ATAD3A: variants seen among roughly 807,000 people sequenced by gnomAD.
The protein encoded by ATAD3A is ATPase family AAA domain containing 3A.
ATAD3A carries 46 observed loss-of-function variants against 73.8 expected under a neutral mutation model. The ratio of observed to expected loss-of-function variants is 0.62; its 90% CI spans 0.49 to 0.80. The LOEUF is 0.80. ATAD3A is among the 30% of genes least tolerant of loss of function. The pLI is 0.00. For synonymous variants in ATAD3A, 319 were observed against 350.0 expected, an observed-to-expected ratio of 0.91 and a Z score of 0.99; for missense variants, 705 against 838.0, an observed-to-expected ratio of 0.84 and a Z score of 1.96.
In ATAD3A at chr1:1,523,636, C is replaced by G. The variant is rs1570341736; in HGVS notation, c.963+69C>G. The G allele has an allele frequency of 3.7e-6, 6 of 1,606,574 alleles. No homozygotes were observed. The East Asian group carries it at 1.3e-4, about 36-fold the overall frequency. On this transcript the variant is annotated intron_variant, in intron 9 of 15. Transcript: ENST00000378756. The surrounding 1 kb of genome is among the most constrained non-coding windows in gnomAD (Gnocchi z 5.1). ...CCTGGAGCTGGGCCGGGCTGTGGCC[C>G]TTGCTGGCGCTCGTGGTGGCACCCA...
In ATAD3A at chr1:1,523,860, C is replaced by G. The variant is rs765579182; in HGVS notation, c.985C>G (p.Arg329Gly). 1.9e-6 allele frequency: 3 copies of G among 1,613,972 alleles called. No homozygotes were observed. The highest frequency in any genetic ancestry group is 2.2e-5 in the East Asian group (1 of 44,888). Residue 329 changes from arginine to glycine, a missense_variant, in exon 10 of 16, where the codon CGC (arginine) becomes GGC (glycine). By Grantham distance (125) the Arg-to-Gly change is moderately radical. This residue lies in a region of ATAD3A where 315 missense variants were observed against 334.1 expected (regional missense o/e 0.94). Coordinates refer to ENST00000378756, the MANE Select transcript of ATAD3A (RefSeq NM_001170535.3). This position sits in a 1 kb window ranked among gnomAD's most constrained non-coding sequence, Gnocchi z 5.1. ...GCAGCCCAGCCTGGAAGCACGGGTG[C>G]GCGACATCGCCATAGCAACAAGGAA... ...VLSPSLEARV[R>G]DIAIATRNTK...
At chr1:1,515,913 G>T in intron 1 of ATAD3A, 99 bp from the exon 2 acceptor site, 3 of 1,409,920 alleles carry the variant, frequency 2.1e-6, no homozygotes, top group Non-Finnish European at 2.9e-6. Context: ...AGGTCGAGGC[G>T]TGGCCGTGGA....
chr1:1,528,126 ATTT>A (rs1318555394), intron 14 of ATAD3A, among the ~76,000 whole-genome samples: 2 of 151,164 alleles, frequency 1.3e-5, no homozygotes, highest in South Asian at 4.2e-4. Context: ...TGCCTGGCTA[ATTT>A]TTTTTTAATT....
At position 1,527,960 on chromosome 1, in the gene ATAD3A, T is replaced by C. The variant is rs1446400064; in HGVS notation, c.1505+98T>C. ...TCACTTACAAACCTTTAACATTCCTTTTTTTTTTTTTTTTTTGAGACAAAG... is the reference window on the plus strand; with the variant it reads ...TCACTTACAAACCTTTAACATTCCTCTTTTTTTTTTTTTTTTGAGACAAAG... On this transcript the variant is annotated intron_variant, in intron 14 of 15. Transcript: ENST00000378756. The C allele has an allele frequency of 3.3e-3, 1,795 of 548,006 alleles. 11 individuals are homozygous for C. Among genetic ancestry groups the C allele is most frequent in the South Asian group, 0.026 (557 of 21,758 alleles). The allele number at this position is 548,006 out of a possible 1,614,324, so 33.9% of individuals were successfully genotyped here.
At chr1:1,515,544 G>A (rs1196133429) in intron 1 of ATAD3A, among the ~76,000 whole-genome samples, 1 of 152,166 alleles carries the variant, frequency 6.6e-6, no homozygotes, top group African/African-American at 2.4e-5. Flanking sequence ...AACTGAGGAC[G>A]TTGTCAGATG....
chr1:1,515,896 G>T, intron 1 of ATAD3A, 116 bp from the exon 2 acceptor site: 1 of 1,132,822 alleles, frequency 8.8e-7, no homozygotes, highest in Non-Finnish European at 1.3e-6. Context: ...CAGGGCTGGG[G>T]GCTTTGAGGT....
At position 1,524,298 on chromosome 1, in the gene ATAD3A, A is replaced by G; in HGVS notation, c.1115A>G (p.Asp372Gly). 3 of 1,613,748 alleles carry G rather than the reference A, an allele frequency of 1.9e-6. No homozygotes were observed. The highest frequency in any genetic ancestry group is 2.5e-6 in the Non-Finnish European group (3 of 1,179,790). The change falls in exon 11 of 16, where the codon GAC becomes GGC. Residue 372 changes from aspartate (D) to glycine (G), a missense_variant. Around this residue, in one of 5 missense-constraint regions of ATAD3A, gnomAD observed 315 missense variants for 334.1 expected, o/e 0.94. Coordinates refer to ENST00000378756, the MANE Select transcript of ATAD3A (RefSeq NM_001170535.3). ...AAACTCGCCCTGCACTCAGGCATGG[A>G]CTACGCCATCATGACAGGCGGGGAC... ...AKKLALHSGM[D>G]YAIMTGGDVA...
rs879082123 is a variant in ATAD3A at position 1,523,294 on chromosome 1, A to G, written c.907-217A>G. On this transcript the variant is annotated intron_variant, in intron 8 of 15. Coordinates refer to ENST00000378756, the MANE Select transcript of ATAD3A (RefSeq NM_001170535.3). The surrounding 1 kb of genome is among the most constrained non-coding windows in gnomAD (Gnocchi z 5.1). The stretch of plus-strand genomic sequence containing the variant: ...TCCACAGGTCACTGGGTAGGTGGTT[A>G]AGAAAATAAAAGCCAATAAGGAACC... Among the ~76,000 whole-genome samples, 2 of 152,256 alleles carry G rather than the reference A, an allele frequency of 1.3e-5. No homozygotes were observed. Among genetic ancestry groups the G allele is most frequent in the South Asian group, 2.1e-4 (1 of 4,828 alleles).
In ATAD3A at chr1:1,534,466, G is replaced by A. The variant is rs1642158668; in HGVS notation, c.*394G>A. ...TTCTCGGCTCCCACAGCAGAGCCAGGTGAGGGGGCGCCTGCCAGGGCCAGA... is the reference window on the plus strand; with the variant it reads ...TTCTCGGCTCCCACAGCAGAGCCAGATGAGGGGGCGCCTGCCAGGGCCAGA... On this transcript the variant is annotated 3_prime_UTR_variant, in exon 16 of 16. Coordinates refer to ENST00000378756, the MANE Select transcript of ATAD3A (RefSeq NM_001170535.3). The A allele has an allele frequency of 8.8e-7, 1 of 1,139,118 alleles. No homozygotes were observed. Among genetic ancestry groups the A allele is most frequent in the African/African-American group, 1.6e-5 (1 of 63,286 alleles). 70.6% of individuals were successfully genotyped at this position (1,139,118 alleles called of 1,614,324 possible).
Position 1,523,690 on chromosome 1 carries a change from C to A in ATAD3A, c.963+123C>A. The A allele has an allele frequency of 6.3e-7, 1 of 1,590,712 alleles. No homozygotes were observed. Among genetic ancestry groups the A allele is most frequent in the Non-Finnish European group, 8.6e-7 (1 of 1,166,550 alleles). On this transcript the variant is annotated intron_variant, in intron 9 of 15. Transcript: ENST00000378756. The surrounding 1 kb of genome is among the most constrained non-coding windows in gnomAD (Gnocchi z 5.1). ...GCTTTTGGGTCCTGAGATGCGACTGCTTGGACCGTGCTGGGGATAGATAGG... is the reference window on the plus strand; with the variant it reads ...GCTTTTGGGTCCTGAGATGCGACTGATTGGACCGTGCTGGGGATAGATAGG...
chr1:1,529,139 G>C (rs574424956), intron 14 of ATAD3A, 84 bp from the exon 15 acceptor site: 5 of 1,562,198 alleles, frequency 3.2e-6, no homozygotes, highest in East Asian at 2.3e-5. Flanking sequence ...CGTGGGTGTC[G>C]GCCTCGCTGC....
rs181195119 is a variant in ATAD3A at position 1,523,975 on chromosome 1, C to T, written c.1089+11C>T. 1.8e-3 allele frequency: 2,935 copies of T among 1,613,730 alleles called. 47 individuals carry two copies. The African/African-American group carries it at 0.034, about 19-fold the overall frequency. Reference sequence around the variant, plus strand: ...ACGCTGTTTGCCAAGGTGAGAGCGCCTGGCTGAACAGGTGGGCCAGGGGCC... The same window carrying T: ...ACGCTGTTTGCCAAGGTGAGAGCGCTTGGCTGAACAGGTGGGCCAGGGGCC... On this transcript the variant is annotated intron_variant, in intron 10 of 15. Transcript: ENST00000378756. The surrounding 1 kb of genome is among the most constrained non-coding windows in gnomAD (Gnocchi z 5.1).
Position 1,525,997 on chromosome 1 carries a change from C to T in ATAD3A, c.1267-464C>T, listed in dbSNP as rs368161452. 1.6e-4 allele frequency among the ~76,000 whole-genome samples: 25 copies of T among 151,742 alleles called. 2 individuals carry two copies. The highest frequency in any genetic ancestry group is 1.2e-3 in the East Asian group (6 of 5,184). ...TGCTGGGATTACAGATGTGAGCCCC[C>T]GTGCCCGGTCAGGCTTTCTTTTCTT... On this transcript the variant is annotated intron_variant, in intron 12 of 15. Transcript: ENST00000378756.
intron 1 of ATAD3A, among the ~76,000 whole-genome samples, chr1:1,514,572 A>T (rs1347773111): frequency 6.6e-6 from 1 of 152,180 alleles, no homozygotes; most frequent in East Asian, 1.9e-4. Context: ...CCGTCAGCCC[A>T]GTTCGTGCCT....
rs1641669848 is a variant in ATAD3A, at chr1:1,523,270, C to G, written c.907-241C>G. Among the ~76,000 whole-genome samples the G allele has an allele frequency of 6.6e-6, 1 of 152,136 alleles. No individual in the cohort carries two copies. The highest frequency in any genetic ancestry group is 2.1e-4 in the South Asian group (1 of 4,824). On this transcript the variant is annotated intron_variant, in intron 8 of 15. Transcript: ENST00000378756. This position sits in a 1 kb window ranked among gnomAD's most constrained non-coding sequence, Gnocchi z 5.1. ...TCGCCGCCCCCGAGGTGCCTGCTCT[C>G]CACAGGTCACTGGGTAGGTGGTTAA...
At chr1:1,513,565 G>A (rs1641265854) in intron 1 of ATAD3A, among the ~76,000 whole-genome samples, 2 of 152,080 alleles carry the variant, frequency 1.3e-5, no homozygotes, top group South Asian at 4.2e-4. Flanking sequence ...CAGGTGCACC[G>A]TGGGGAGCCC....
chr1:1,526,580 G>A (rs562732855), intron 13 of ATAD3A, 49 bp downstream of exon 13: 59 of 1,611,242 alleles, frequency 3.7e-5, no homozygotes, highest in South Asian at 1.4e-4. Context: ...CTGTGCAGCC[G>A]TCGCCCTTGG....
chr1:1,515,216 A>T (rs151027309), intron 1 of ATAD3A, among the ~76,000 whole-genome samples: 392 of 152,300 alleles, frequency 2.6e-3, no homozygotes, highest in African/African-American at 8.8e-3. Context: ...AGCTGGGATT[A>T]CAGGCGTCCG....
chr1:1,512,344 C>T lies in ATAD3A; in HGVS notation c.76C>T (p.Gln26Ter), dbSNP rs1342343954. 2 of 1,240,718 alleles carry T rather than the reference C, an allele frequency of 1.6e-6. No individual in the cohort carries two copies. Among genetic ancestry groups the T allele is most frequent in the Non-Finnish European group, 2.0e-6 (2 of 987,042 alleles). 76.9% of individuals were successfully genotyped at this position (1,240,718 alleles called of 1,614,324 possible). ...AGPPPPLPPA[Q>*]PGAEGGGDRG... ...GCCGCCGCCGCCTTTGCCGCCCGCG[C>T]AGCCCGGGGCCGAGGGCGGCGGGGA... The change falls in exon 1 of 16, where the codon CAG (glutamine) becomes TAG (stop). Residue 26 changes from glutamine (Q) to a stop codon, truncating the protein, a stop_gained. Coordinates refer to ENST00000378756, the MANE Select transcript of ATAD3A (RefSeq NM_001170535.3). LOFTEE classifies it high-confidence loss of function.
Sources: allele counts gnomAD v4.1 joint callset (sites outside exome capture counted in the v4.1 genomes callset), GRCh38; gene constraint gnomAD v4.1.1; regional missense constraint gnomAD v4.1.1; non-coding constraint Gnocchi (gnomAD v3.1); transcripts MANE v1.5; gene names NCBI Gene and HGNC (gene_info 2026-07-23, HGNC 2026-07-21).